Variants in STK4 observed in about 807,000 individuals in gnomAD.
STK4 encodes serine/threonine-protein kinase 4.
STK4 carries 30 observed loss-of-function variants against 64.9 expected under a neutral mutation model. That is an observed-to-expected ratio of 0.46 (90% CI 0.35 to 0.63). The LOEUF (loss-of-function observed/expected upper bound fraction) is 0.63. Among genes scored for constraint, STK4 ranks in the 20% least tolerant of loss-of-function variants. STK4 has a pLI of 0.01. For missense variants in STK4, 466 were observed against 598.5 expected (o/e 0.78, Z 2.31); for synonymous variants, 177 against 199.0 (o/e 0.89, Z 0.93).
At chr20:45,026,285 T>A (rs952241517) in intron 10 of STK4, among the ~76,000 whole-genome samples, 1 of 151,130 alleles carries the variant, frequency 6.6e-6, no homozygotes, top group African/African-American at 2.4e-5. Context: ...TTGTAAAAAA[T>A]ATAAAGCAAA....
At chr20:45,020,464 GTGTATGTT>G (rs372332150) in intron 9 of STK4, among the ~76,000 whole-genome samples, 15,786 of 93,822 alleles carry the variant, frequency 0.17, 882 homozygotes, top group African/African-American at 0.32. Context: ...GTGTGTGTGT[GTGTATGTT>G]TATGTTTATG....
intron 9 of STK4, among the ~76,000 whole-genome samples, chr20:45,010,594 G>A (rs2068027776): frequency 6.6e-6 from 1 of 152,170 alleles, no homozygotes; most frequent in Non-Finnish European, 1.5e-5. Context: ...TAACATACTT[G>A]TGATTATATA....
intron 9 of STK4, among the ~76,000 whole-genome samples, chr20:45,022,131 A>G (rs1468908477): frequency 1.3e-5 from 2 of 152,148 alleles, no homozygotes; most frequent in Non-Finnish European, 2.9e-5. Context: ...TCTGTCTCCA[A>G]AATCAACTTT....
At chr20:44,973,632 C>G (rs1324071448) in intron 2 of STK4, among the ~76,000 whole-genome samples, 2 of 152,178 alleles carry the variant, frequency 1.3e-5, no homozygotes, top group African/African-American at 4.8e-5. Context: ...ATACAGTTTG[C>G]TCTTACTACT....
intron 10 of STK4, among the ~76,000 whole-genome samples, chr20:45,046,912 C>G (rs1600532680): frequency 2.0e-5 from 3 of 152,056 alleles, no homozygotes; most frequent in African/African-American, 7.2e-5. Context: ...GAACTCCTGA[C>G]CTCGTGATCT....
At chr20:45,011,162 G>A (rs1399367057) in intron 9 of STK4, among the ~76,000 whole-genome samples, 1 of 152,088 alleles carries the variant, frequency 6.6e-6, no homozygotes, top group East Asian at 1.9e-4. Context: ...TTTTGAATAA[G>A]GGCTCTAGAA....
chr20:45,061,685 A>AAT (rs1979022517), intron 10 of STK4, among the ~76,000 whole-genome samples: 1 of 148,572 alleles, frequency 6.7e-6, no homozygotes, highest in African/African-American at 2.5e-5. Context: ...TTTGATGTAG[A>AAT]TTATTTCATC....
At chr20:44,990,026 G>T (rs1568695392) in intron 5 of STK4, among the ~76,000 whole-genome samples, 1 of 152,050 alleles carries the variant, frequency 6.6e-6, no homozygotes, top group Non-Finnish European at 1.5e-5. Flanking sequence ...GGCTATTCTG[G>T]GTCCCTTGTA....
At chr20:44,988,441 C>T (rs1377842257) in intron 5 of STK4, among the ~76,000 whole-genome samples, 1 of 150,202 alleles carries the variant, frequency 6.7e-6, no homozygotes, top group Non-Finnish European at 1.5e-5. Context: ...CGCCATTGCA[C>T]TCTGCACTCC....
intron 9 of STK4, among the ~76,000 whole-genome samples, chr20:45,007,095 A>G (rs2067960592): frequency 6.6e-6 from 1 of 151,990 alleles, no homozygotes; most frequent in Admixed American, 6.6e-5. Context: ...GTTTGTTTAT[A>G]ACAGGAGGGG....
intron 9 of STK4, among the ~76,000 whole-genome samples, chr20:45,006,133 A>G (rs2067939523): frequency 1.3e-5 from 2 of 150,206 alleles, no homozygotes; most frequent in African/African-American, 4.9e-5. Flanking sequence ...TTTTCAATCT[A>G]AGGACCCAGG....
chr20:45,052,279 C>G (rs550640518), intron 10 of STK4, among the ~76,000 whole-genome samples: 2 of 41,180 alleles, frequency 4.9e-5, no homozygotes, highest in African/African-American at 1.4e-4. Context: ...ACTCTTCCAC[C>G]CCCCCCAGCA....
chr20:45,040,633 C>CT (rs11476443), intron 10 of STK4, among the ~76,000 whole-genome samples: 223 of 142,554 alleles, frequency 1.6e-3, no homozygotes, highest in South Asian at 4.2e-3. Context: ...GGAAACAGAC[C>CT]TTTTTTTTTT....
chr20:45,011,729 A>ATATATATATATATATT (rs60170856), intron 9 of STK4, among the ~76,000 whole-genome samples: 15 of 115,378 alleles, frequency 1.3e-4, no homozygotes, highest in African/African-American at 5.1e-4. Flanking sequence ...ATATATATAT[A>ATATATATATATATATT]TTTTTTTTTT....
chr20:45,005,964 T>G (rs1334009104), intron 9 of STK4, among the ~76,000 whole-genome samples: 1 of 151,992 alleles, frequency 6.6e-6, no homozygotes, highest in Non-Finnish European at 1.5e-5. Flanking sequence ...TTCTGGTATC[T>G]GTTGATGGTG....
chr20:45,063,268 A>C (rs978006751), intron 10 of STK4, among the ~76,000 whole-genome samples: 3 of 151,262 alleles, frequency 2.0e-5, no homozygotes, highest in African/African-American at 7.3e-5. Context: ...TCAGCCTCCC[A>C]AAGTGTGATT....
At chr20:45,007,938 T>C (rs2145713153) in intron 9 of STK4, 1 of 222,384 alleles carries the variant, frequency 4.5e-6, no homozygotes, top group South Asian at 5.3e-5. Flanking sequence ...CATGTTTATA[T>C]CCATGTGTGC....
At chr20:44,985,370 CAG>C (rs1428241605) in intron 4 of STK4, among the ~76,000 whole-genome samples, 2 of 152,078 alleles carry the variant, frequency 1.3e-5, no homozygotes, top group African/African-American at 4.8e-5. Flanking sequence ...ATTTTTGAGA[CAG>C]AGTCTGGCTG....
chr20:44,990,399 T>C (rs997880791), intron 5 of STK4, among the ~76,000 whole-genome samples: 3 of 148,896 alleles, frequency 2.0e-5, no homozygotes, highest in African/African-American at 7.3e-5. Flanking sequence ...TTGCTGGACT[T>C]TTTTTTTTTT....
Sources: gnomAD v4.1 joint callset for allele counts (sites outside exome capture counted in the v4.1 genomes callset) on GRCh38, gnomAD v4.1.1 for gene constraint, MANE v1.5 for transcripts, NCBI Gene and HGNC (gene_info 2026-07-23, HGNC 2026-07-21) for gene names.